Variants in RPH3A observed in about 807,000 individuals in gnomAD.
RPH3A encodes rabphilin 3A.
Under a neutral mutation model 102.2 loss-of-function variants are expected in RPH3A, and 48 were observed. That is an observed-to-expected ratio of 0.47 (90% confidence interval 0.37 to 0.60). RPH3A has a LOEUF of 0.60. Among genes scored for constraint, RPH3A ranks in the 20% least tolerant of loss-of-function variants. The pLI is 0.00. For missense variants in RPH3A, 781 were observed against 910.1 expected (o/e 0.86, Z 1.83); for synonymous variants, 310 against 324.3 (o/e 0.96, Z 0.47).
In RPH3A at chr12:112,896,809, C is replaced by G. The variant is rs746491230; in HGVS notation, c.*29C>G. 3 of 1,612,484 alleles carry G rather than the reference C, an allele frequency of 1.9e-6. No homozygotes were observed. The South Asian group carries it at 3.3e-5, about 18-fold the overall frequency. The stretch of plus-strand genomic sequence containing the variant: ...AGTGCCCAGGTCCCCATCTCCATGT[C>G]CCGGGTCCCCCCCAGCCTGCTCTAG... On this transcript the variant is annotated 3_prime_UTR_variant, in exon 22 of 22. Transcript: ENST00000389385.
chr12:112,605,180 G>A (rs1428244410), intron 1 of RPH3A, among the ~76,000 whole-genome samples: 1 of 152,024 alleles, frequency 6.6e-6, no homozygotes, highest in Non-Finnish European at 1.5e-5. Flanking sequence ...TTCAAGGCCA[G>A]CCTGGCCAAT....
intron 7 of RPH3A, 147 bp from the exon 8 acceptor site, chr12:112,868,283 G>A (rs1475485825): frequency 3.9e-6 from 3 of 763,812 alleles, no homozygotes; most frequent in East Asian, 2.7e-5. Flanking sequence ...TATGAATTGT[G>A]CAGGGCTCTG....
At chr12:112,701,807 C>G (rs374732599) in intron 1 of RPH3A, among the ~76,000 whole-genome samples, 73 of 152,314 alleles carry the variant, frequency 4.8e-4, no homozygotes, top group African/African-American at 1.6e-3. Flanking sequence ...ATGCAGGCAC[C>G]AATCTTCACA....
At chr12:112,803,042 T>G (rs944159383) in intron 2 of RPH3A, among the ~76,000 whole-genome samples, 1 of 152,030 alleles carries the variant, frequency 6.6e-6, no homozygotes, top group African/African-American at 2.4e-5. Flanking sequence ...TTGAGAAGAC[T>G]CTAGATCTGA....
At chr12:112,835,123 C>T (rs1295766725) in intron 3 of RPH3A, among the ~76,000 whole-genome samples, 1 of 152,172 alleles carries the variant, frequency 6.6e-6, no homozygotes, top group Non-Finnish European at 1.5e-5. Context: ...GCAAATGTCT[C>T]ATGTCTGTTT....
chr12:112,858,266 CAAAAAAAAAA>C lies in RPH3A; in HGVS notation c.231-7129_231-7120del, dbSNP rs1164602599. On this transcript the variant is annotated intron_variant, in intron 5 of 21. Transcript: ENST00000389385. ...TGGGTGACAGAGTCAGACCCTGTCT[CAAAAAAAAAA>C]AAAAAAAAAAAAAAAAAAGAAAAGA... 1.3e-4 allele frequency among the ~76,000 whole-genome samples: 6 copies of C among 44,776 alleles called. No individual in the cohort carries two copies. The East Asian group carries it at 2.1e-3, about 16-fold the overall frequency. The allele number at this position is 44,776 out of a possible 152,430, so 29.4% of individuals were successfully genotyped here.
intron 1 of RPH3A, among the ~76,000 whole-genome samples, chr12:112,601,734 C>A (rs561083232): frequency 6.6e-6 from 1 of 152,172 alleles, no homozygotes; most frequent in South Asian, 2.1e-4. Flanking sequence ...GAGTTCACTA[C>A]CAGCCTGGGC....
At chr12:112,884,368 A>G (rs1668640943) in intron 16 of RPH3A, among the ~76,000 whole-genome samples, 2 of 152,126 alleles carry the variant, frequency 1.3e-5, no homozygotes, top group Admixed American at 1.3e-4. Flanking sequence ...CTTCTCTCCC[A>G]AGAGCTAGAC....
chr12:112,720,793 G>C (rs1004315862), intron 1 of RPH3A, among the ~76,000 whole-genome samples: 2 of 152,212 alleles, frequency 1.3e-5, no homozygotes, highest in African/African-American at 4.8e-5. Flanking sequence ...GCAAGTCAGA[G>C]CACATGGTTG....
At chr12:112,593,114 A>G (rs1322064936) in intron 1 of RPH3A, among the ~76,000 whole-genome samples, 1 of 152,180 alleles carries the variant, frequency 6.6e-6, no homozygotes, top group Non-Finnish European at 1.5e-5. Context: ...GAATGGGATT[A>G]GTGCCCTAAT....
chr12:112,806,212 T>C (rs1220016208), intron 2 of RPH3A, among the ~76,000 whole-genome samples: 1 of 152,228 alleles, frequency 6.6e-6, no homozygotes, highest in Admixed American at 6.5e-5. Context: ...GAGATACCAC[T>C]TGGAGTTGCA....
rs369844314 is a variant in RPH3A, at chr12:112,866,849, C to A, written c.444+9C>A. On this transcript the variant is annotated intron_variant, in intron 7 of 21. Transcript: ENST00000389385. ...GCATTGAGCAGAGGGAGGTGAGTGC[C>A]CTGGTCCCACCTGGTGCCTAGATCA... 1.3e-6 allele frequency: 2 copies of A among 1,595,278 alleles called. No individual in the cohort carries two copies. The highest frequency in any genetic ancestry group is 4.5e-5 in the East Asian group (2 of 44,570).
rs200133366 is a variant in RPH3A, at chr12:112,896,647, C to T, written c.1955-3C>T. On this transcript the variant is annotated splice_region_variant and splice_polypyrimidine_tract_variant and intron_variant, in intron 21 of 21. Transcript: ENST00000389385. ...TGCTCCTATCTTCCCATTTATCCTCCAGGAGGCTGCCAGCTGGGGATCTCT... is the reference window on the plus strand; with the variant it reads ...TGCTCCTATCTTCCCATTTATCCTCTAGGAGGCTGCCAGCTGGGGATCTCT... 16 of 1,614,068 alleles carry T rather than the reference C, an allele frequency of 9.9e-6. No individual in the cohort carries two copies. In the East Asian group the frequency reaches 3.3e-4, roughly 34 times the overall value.
chr12:112,876,680 C>A lies in RPH3A; in HGVS notation c.985C>A (p.Arg329=), dbSNP rs746728163. 6.2e-7 allele frequency: 1 copy of A among 1,612,968 alleles called. No individual in the cohort carries two copies. The highest frequency in any genetic ancestry group is 8.5e-7 in the Non-Finnish European group (1 of 1,179,518). The change falls in exon 13 of 22, where the codon CGA becomes AGA. Residue 329 remains arginine (R), a synonymous_variant. Transcript: ENST00000389385. ...PSDPGTTAPP[R]EERTGGVGGY... ...CGACCCTGGGACCACTGCCCCACCC[C>A]GAGAGGAGAGAACAGGGGGAGTCGG...
rs1475109298 is a variant in RPH3A at position 112,890,822 on chromosome 12, C to CCCACA, written c.1621-25_1621-21dup. The CCCACA allele has an allele frequency of 1.9e-6, 3 of 1,608,880 alleles. No individual in the cohort carries two copies. The African/African-American group carries it at 4.0e-5, about 22-fold the overall frequency. On this transcript the variant is annotated intron_variant, in intron 18 of 21. Transcript: ENST00000389385. ...TTTCCTGGCCCCCTCCCCTCCAAGG[C>CCCACA]CCACACTGCCTTTTCCCCCAATGCA...
intron 1 of RPH3A, among the ~76,000 whole-genome samples, chr12:112,588,871 G>T (rs965005240): frequency 6.6e-6 from 1 of 152,178 alleles, no homozygotes; most frequent in Admixed American, 6.5e-5. Context: ...GAGCAGCACA[G>T]GGGTACCAGG....
Position 112,748,286 on chromosome 12 carries a change from C to A in RPH3A, c.-139-43857C>A, listed in dbSNP as rs145710362. On this transcript the variant is annotated intron_variant, in intron 1 of 21. Transcript: ENST00000543106. ...TGTATGGCTATACATTGGAATCATG[C>A]GGAATGTTTAAAACATCCTAATGTT... Among the ~76,000 whole-genome samples, 299 of 152,230 alleles carry A rather than the reference C, an allele frequency of 2.0e-3. 1 individual carries two copies. The highest frequency in any genetic ancestry group is 6.8e-3 in the African/African-American group (283 of 41,526).
At chr12:112,890,108 C>T (rs1243527064) in intron 18 of RPH3A, 28 bp downstream of exon 18, 3 of 1,603,146 alleles carry the variant, frequency 1.9e-6, no homozygotes, top group Non-Finnish European at 2.6e-6. Context: ...ATTGAAGCCA[C>T]AGTCAGGGTC....
chr12:112,734,026 T>C (rs1201151239), intron 1 of RPH3A, among the ~76,000 whole-genome samples: 1 of 152,166 alleles, frequency 6.6e-6, no homozygotes, highest in African/African-American at 2.4e-5. Flanking sequence ...GAATTAGATA[T>C]CTTATTATTC....
Sources: allele counts gnomAD v4.1 joint callset (sites outside exome capture counted in the v4.1 genomes callset), GRCh38; gene constraint gnomAD v4.1.1; transcripts MANE v1.5; gene names NCBI Gene and HGNC (gene_info 2026-07-23, HGNC 2026-07-21).